DMD: variants seen among roughly 807,000 people sequenced by gnomAD.
The protein encoded by DMD is mutant dystrophin.
In DMD, 63 loss-of-function variants were observed where a neutral mutation model predicts 330.1. The ratio of observed to expected loss-of-function variants is 0.19; its 90% CI spans 0.16 to 0.24. DMD has a LOEUF of 0.24. DMD is among the 10% of genes least tolerant of loss of function. The pLI is 1.00. For missense variants in DMD, 3,344 were observed against 2,684.1 expected (o/e 1.25, Z -5.43); for synonymous variants, 1,223 against 959.8 (o/e 1.27, Z -5.07).
chrX:33,244,285 A>T (rs1457261906), intron 1 of DMD, among the ~76,000 whole-genome samples: 1 of 111,639 alleles, frequency 9.0e-6, no homozygotes, highest in Non-Finnish European at 1.9e-5. Context: ...CTGATTATAT[A>T]AGTTGGATCT....
chrX:32,649,313 G>A (rs1338497454), intron 9 of DMD, among the ~76,000 whole-genome samples: 3 of 109,914 alleles, frequency 2.7e-5, no homozygotes, highest in African/African-American at 1.0e-4. Flanking sequence ...CCAGCACTTT[G>A]GGAGGCTGAG....
intron 1 of DMD, among the ~76,000 whole-genome samples, chrX:33,262,536 T>C (rs2052975436): frequency 9.0e-6 from 1 of 110,945 alleles, no homozygotes. Flanking sequence ...AAATCTATGG[T>C]AATTGAGACA....
intron 60 of DMD, among the ~76,000 whole-genome samples, chrX:31,369,351 A>G (rs1019690391): frequency 8.9e-6 from 1 of 112,185 alleles, no homozygotes; most frequent in Non-Finnish European, 1.9e-5. Context: ...AGCAAGAACA[A>G]TATCAGGGAG....
chrX:32,540,652 G>T (rs921649937), intron 17 of DMD, among the ~76,000 whole-genome samples: 1 of 111,607 alleles, frequency 9.0e-6, no homozygotes, highest in Non-Finnish European at 1.9e-5. Context: ...TTGTATCCAC[G>T]GTATTTGCTA....
intron 1 of DMD, among the ~76,000 whole-genome samples, chrX:33,121,153 G>GT (rs1241612598): frequency 9.1e-6 from 1 of 109,748 alleles, no homozygotes; most frequent in Non-Finnish European, 1.9e-5. Context: ...TATGTACTAC[G>GT]TTTTTTACTG....
chrX:32,786,776 A>G (rs1030933060), intron 7 of DMD, among the ~76,000 whole-genome samples: 1 of 111,896 alleles, frequency 8.9e-6, no homozygotes, highest in Non-Finnish European at 1.9e-5. Context: ...CAAGTAGGGA[A>G]TCTTAACTCC....
chrX:31,756,662 A>G (rs1342215028), intron 51 of DMD, among the ~76,000 whole-genome samples: 1 of 112,691 alleles, frequency 8.9e-6, no homozygotes, highest in Non-Finnish European at 1.9e-5. Flanking sequence ...AATATTGAAT[A>G]TGATATGCAT....
intron 63 of DMD, among the ~76,000 whole-genome samples, chrX:31,242,821 T>C: frequency 9.1e-6 from 1 of 110,302 alleles, no homozygotes. Context: ...GGGTATACGT[T>C]GGCATTAATA....
chrX:31,985,269 T>C (rs2095501677), intron 44 of DMD, among the ~76,000 whole-genome samples: 1 of 112,063 alleles, frequency 8.9e-6, no homozygotes, highest in African/African-American at 3.2e-5. Context: ...AAACAAAACG[T>C]CTGCATGATG....
At chrX:33,173,098 T>G (rs2049445902) in intron 1 of DMD, among the ~76,000 whole-genome samples, 1 of 111,640 alleles carries the variant, frequency 9.0e-6, no homozygotes, top group African/African-American at 3.2e-5. Context: ...TACACTATAC[T>G]TTTCCTATAC....
intron 55 of DMD, among the ~76,000 whole-genome samples, chrX:31,600,705 T>C (rs1448713764): frequency 9.2e-6 from 1 of 108,927 alleles, no homozygotes; most frequent in African/African-American, 3.3e-5. Flanking sequence ...AGAGTATTGA[T>C]TCCCTTCATC....
chrX:31,510,674 AT>A (rs770283472), intron 55 of DMD, among the ~76,000 whole-genome samples: 180 of 108,072 alleles, frequency 1.7e-3, no homozygotes, highest in Middle Eastern at 0.014. Flanking sequence ...CGCCTGGCTA[AT>A]TTTTTTTGTA....
intron 55 of DMD, among the ~76,000 whole-genome samples, chrX:31,570,438 T>A (rs1172555384): frequency 9.0e-6 from 1 of 111,232 alleles, no homozygotes; most frequent in African/African-American, 3.3e-5. Flanking sequence ...TGGAAGTAAG[T>A]TACCAAGTTC....
intron 50 of DMD, among the ~76,000 whole-genome samples, chrX:31,810,836 T>C (rs1317728983): frequency 1.8e-5 from 2 of 111,803 alleles, no homozygotes; most frequent in Admixed American, 9.5e-5. Context: ...GCCTAAATAG[T>C]TCTGGTTTCT....
At chrX:32,012,587 G>C (rs1475158807) in intron 44 of DMD, among the ~76,000 whole-genome samples, 1 of 111,253 alleles carries the variant, frequency 9.0e-6, no homozygotes, top group Non-Finnish European at 1.9e-5. Context: ...GAAATTCTTG[G>C]GTTTTCCAAG....
intron 30 of DMD, among the ~76,000 whole-genome samples, chrX:32,398,181 A>C (rs758360746): frequency 8.1e-5 from 9 of 110,864 alleles, no homozygotes; most frequent in Middle Eastern, 4.6e-3. Context: ...AAAATGTTGA[A>C]AAGTTTCAGG....
At chrX:32,485,204 C>T (rs1171111065) in intron 20 of DMD, 105 bp from the exon 21 acceptor site, 2 of 721,970 alleles carry the variant, frequency 2.8e-6, no homozygotes, top group Non-Finnish European at 4.3e-6. Context: ...GCTTAATACC[C>T]TTCACAAATA....
At chrX:32,233,689 A>T (rs1383652966) in intron 43 of DMD, among the ~76,000 whole-genome samples, 1 of 106,878 alleles carries the variant, frequency 9.4e-6, no homozygotes, top group Non-Finnish European at 1.9e-5. Flanking sequence ...CTGGAGTGCA[A>T]TGGTGTGATC....
At chrX:33,328,110 T>C (rs1490505875) in intron 1 of DMD, among the ~76,000 whole-genome samples, 2 of 111,620 alleles carry the variant, frequency 1.8e-5, no homozygotes, top group Non-Finnish European at 3.8e-5. Context: ...TAAGAATAAA[T>C]GTGAAAAGAA....
Sources: allele counts gnomAD v4.1 joint callset (sites outside exome capture counted in the v4.1 genomes callset), GRCh38; gene constraint gnomAD v4.1.1; transcripts MANE v1.5; gene names NCBI Gene and HGNC (gene_info 2026-07-23, HGNC 2026-07-21).